Variants in MAGI3 observed in about 807,000 individuals in gnomAD.
MAGI3 encodes membrane-associated guanylate kinase, WW and PDZ domain-containing protein 3.
A neutral mutation model predicts 121.8 loss-of-function variants in MAGI3; 43 were observed. The ratio of observed to expected loss-of-function variants is 0.35; its 90% CI spans 0.28 to 0.46. The LOEUF is 0.46. Among genes scored for constraint, MAGI3 ranks in the 20% least tolerant of loss-of-function variants. The pLI, the probability that MAGI3 is intolerant of heterozygous loss-of-function variation, is 1.00. For missense variants in MAGI3, 1,547 were observed against 1,797.3 expected (o/e 0.86, Z 2.52); for synonymous variants, 553 against 639.3 (o/e 0.86, Z 2.04).
At chr1:113,588,092 C>T (rs1648488711) in intron 4 of MAGI3, among the ~76,000 whole-genome samples, 2 of 152,164 alleles carry the variant, frequency 1.3e-5, no homozygotes, top group Admixed American at 6.5e-5. Flanking sequence ...GAATAACATA[C>T]ATCGTGTGTT....
intron 1 of MAGI3, among the ~76,000 whole-genome samples, chr1:113,528,597 T>C (rs11102647): frequency 0.24 from 37,126 of 152,042 alleles, 5,182 homozygotes; most frequent in East Asian, 0.63. Context: ...AGCAGGAAAT[T>C]GGTGGGAATA....
Position 113,683,500 on chromosome 1 carries a change from G to T in MAGI3, c.3932G>T (p.Gly1311Val), listed in dbSNP as rs1241078853. 15 of 1,613,826 alleles carry T rather than the reference G, an allele frequency of 9.3e-6. No homozygotes were observed. Among genetic ancestry groups the T allele is most frequent in the African/African-American group, 6.7e-5 (5 of 74,906 alleles). The stretch of plus-strand genomic sequence containing the variant: ...AATGCTGAGGCCAAATTATTAGAGG[G>T]TAAGAGTCGAAGAATAGCAGGCTAT... ...PSNAEAKLLE[G>V]KSRRIAGYTG... Residue 1311 changes from glycine (G) to valine (V), a missense_variant, in exon 21 of 21, where the codon GGT becomes GTT. Physicochemically the swap from Gly to Val is moderately radical, Grantham distance 109 (BLOSUM62 -3). Coordinates refer to ENST00000307546, the MANE Select transcript of MAGI3 (RefSeq NM_001142782.2).
chr1:113,683,236 G>A lies in MAGI3; in HGVS notation c.3668G>A (p.Ser1223Asn). ...GTTACACGAAGAGGTAGATCGGTTA[G>A]TCCCAAAAAGCCAGCCAGTCAACAT... is the stretch of plus-strand genomic sequence containing the variant. ...NGVTRRGRSV[S>N]PKKPASQHSE... is the part of the protein sequence containing the mutation. The change falls in exon 21 of 21, where the codon AGT (serine) becomes AAT (asparagine). Residue 1223 changes from serine (S) to asparagine (N), a missense_variant. Physicochemically the swap from Ser to Asn is conservative, Grantham distance 46. Transcript: ENST00000307546. 1 of 1,613,360 alleles carries A rather than the reference G, an allele frequency of 6.2e-7. No homozygotes were observed. Among genetic ancestry groups the A allele is most frequent in the Non-Finnish European group, 8.5e-7 (1 of 1,179,778 alleles).
chr1:113,433,796 C>G (rs1255326652), intron 1 of MAGI3, among the ~76,000 whole-genome samples: 1 of 151,988 alleles, frequency 6.6e-6, no homozygotes, highest in Non-Finnish European at 1.5e-5. Context: ...AATAACAGCC[C>G]CATTTTAAAA....
chr1:113,599,980 A>G (rs1003160842), intron 6 of MAGI3, among the ~76,000 whole-genome samples: 1 of 152,238 alleles, frequency 6.6e-6, no homozygotes, highest in African/African-American at 2.4e-5. Flanking sequence ...CCACATGGTT[A>G]TCTCAATAGA....
Position 113,531,045 on chromosome 1 carries a change from G to A in MAGI3, c.317-18470G>A, listed in dbSNP as rs184621993. ...GCTAGAGACATAAACTGTACTCAAA[G>A]GAAACTTGAATAATTTTGAAACATT... On this transcript the variant is annotated intron_variant, in intron 1 of 20. Transcript: ENST00000307546. Among the ~76,000 whole-genome samples, 310 of 152,264 alleles carry A rather than the reference G, an allele frequency of 2.0e-3. 4 individuals are homozygous for A. The highest frequency in any genetic ancestry group is 7.3e-3 in the African/African-American group (302 of 41,550).
At chr1:113,573,118 G>A (rs1570883787) in intron 2 of MAGI3, among the ~76,000 whole-genome samples, 1 of 152,194 alleles carries the variant, frequency 6.6e-6, no homozygotes, top group East Asian at 1.9e-4. Context: ...GTAGAGACAG[G>A]GTTTCACCGT....
intron 16 of MAGI3, among the ~76,000 whole-genome samples, chr1:113,670,378 G>C (rs1241357154): frequency 6.6e-6 from 1 of 152,120 alleles, no homozygotes; most frequent in Non-Finnish European, 1.5e-5. Context: ...CTTAACCCAA[G>C]CAATAAAATA....
chr1:113,511,683 G>T (rs1355429395), intron 1 of MAGI3, among the ~76,000 whole-genome samples: 2 of 152,198 alleles, frequency 1.3e-5, no homozygotes, highest in Non-Finnish European at 2.9e-5. Context: ...AGACAACCTT[G>T]AACAGGTCCT....
chr1:113,448,492 A>G (rs1654295440), intron 1 of MAGI3, among the ~76,000 whole-genome samples: 1 of 152,220 alleles, frequency 6.6e-6, no homozygotes, highest in Non-Finnish European at 1.5e-5. Flanking sequence ...AATGTTTTTT[A>G]ATTGATAAAT....
intron 4 of MAGI3, among the ~76,000 whole-genome samples, chr1:113,590,090 G>A (rs1217236): frequency 0.74 from 111,789 of 151,774 alleles, 41,699 homozygotes; most frequent in African/African-American, 0.78. Flanking sequence ...ATAAAACAAG[G>A]AGATTAATAA....
chr1:113,651,710 C>G (rs1653178396), intron 14 of MAGI3, among the ~76,000 whole-genome samples: 1 of 152,108 alleles, frequency 6.6e-6, no homozygotes, highest in Non-Finnish European at 1.5e-5. Flanking sequence ...AGGCTGGTCT[C>G]GAACTCTTGA....
intron 2 of MAGI3, among the ~76,000 whole-genome samples, chr1:113,561,793 A>T (rs1462957764): frequency 6.6e-6 from 1 of 152,146 alleles, no homozygotes; most frequent in African/African-American, 2.4e-5. Context: ...GAAAGAAAGC[A>T]TATTCATATA....
chr1:113,672,606 C>G lies in MAGI3; in HGVS notation c.2919-9C>G, dbSNP rs370685945. The G allele has an allele frequency of 1.2e-5, 20 of 1,609,296 alleles. No homozygotes were observed. The highest frequency in any genetic ancestry group is 1.3e-5 in the African/African-American group (1 of 74,650). ...GTTCAGAGAGTGACTTGATTTCTCT[C>G]TCTTGTAGAAGTGCCCTAGAAGGTG... On this transcript the variant is annotated splice_polypyrimidine_tract_variant and intron_variant, in intron 17 of 20. Coordinates refer to ENST00000307546, the MANE Select transcript of MAGI3 (RefSeq NM_001142782.2).
intron 9 of MAGI3, among the ~76,000 whole-genome samples, chr1:113,629,763 C>CTCCCTCCCT (rs143631602): frequency 2.0e-4 from 9 of 45,172 alleles, no homozygotes; most frequent in East Asian, 3.9e-4. Context: ...TCTCTCTCTC[C>CTCCCTCCCT]CTCCCTCCCT....
At chr1:113,682,516 C>G (rs1217236524) in intron 20 of MAGI3, 1 of 1,306,180 alleles carries the variant, frequency 7.7e-7, no homozygotes, top group Non-Finnish European at 9.7e-7. Context: ...GTGATTTTGC[C>G]ATATCCTAAA....
At chr1:113,523,943 C>T (rs563079932) in intron 1 of MAGI3, among the ~76,000 whole-genome samples, 46 of 152,208 alleles carry the variant, frequency 3.0e-4, no homozygotes, top group African/African-American at 1.0e-3. Context: ...GTGGGCTGGG[C>T]CGGGATCCCT....
intron 11 of MAGI3, 110 bp downstream of exon 11, chr1:113,643,884 TAGG>T: frequency 8.6e-7 from 1 of 1,158,610 alleles, no homozygotes; most frequent in Non-Finnish European, 1.3e-6. Flanking sequence ...TGGGAGAAGT[TAGG>T]AGGCATGCTG....
intron 2 of MAGI3, among the ~76,000 whole-genome samples, chr1:113,572,376 A>C (rs1206030674): frequency 4.6e-5 from 7 of 152,116 alleles, no homozygotes; most frequent in Non-Finnish European, 1.5e-5. Flanking sequence ...GTGTTCTGCC[A>C]GGTTTTGGTA....
Sources: allele counts gnomAD v4.1 joint callset (sites outside exome capture counted in the v4.1 genomes callset), GRCh38; gene constraint gnomAD v4.1.1; transcripts MANE v1.5; gene names NCBI Gene and HGNC (gene_info 2026-07-23, HGNC 2026-07-21).